The following PGLS variants were observed in gnomAD, a reference collection of about 807,000 sequenced individuals.
PGLS encodes the protein 6-phosphogluconolactonase.
Under a neutral mutation model 23.2 loss-of-function variants are expected in PGLS, and 21 were observed. The observed-to-expected ratio is 0.91, with a 90% confidence interval of 0.64 to 1.31. The LOEUF (loss-of-function observed/expected upper bound fraction) is 1.31. Among genes scored for constraint, PGLS ranks in the 50% most tolerant of loss-of-function variants. PGLS has a pLI of 0.00. For synonymous variants in PGLS, 179 were observed against 165.4 expected, an observed-to-expected ratio of 1.08 and a Z score of -0.63; for missense variants, 410 against 354.0, an observed-to-expected ratio of 1.16 and a Z score of -1.27.
intron 4 of PGLS, chr19:17,520,308 G>A (rs2144646950): frequency 6.6e-6 from 1 of 152,212 alleles, no homozygotes; most frequent in African/African-American, 2.4e-5. Flanking sequence ...AGCACTTTGG[G>A]AGACCTAGGC....
chr19:17,517,443 C>A, intron 3 of PGLS, 54 bp downstream of exon 3: 1 of 1,386,468 alleles, frequency 7.2e-7, no homozygotes, highest in Non-Finnish European at 1.0e-6. Context: ...TCCCTAACAT[C>A]TGGGACTTCC....
At chr19:17,516,044 T>G (rs952915525) in intron 1 of PGLS, 129 bp from the exon 2 acceptor site, 17 of 676,506 alleles carry the variant, frequency 2.5e-5, no homozygotes, top group Middle Eastern at 2.8e-4. Flanking sequence ...CTTGCACAAA[T>G]GCACCAGCCT....
chr19:17,520,272 G>C (rs1223078225), intron 4 of PGLS: 1 of 152,106 alleles, frequency 6.6e-6, no homozygotes, highest in Admixed American at 6.6e-5. Flanking sequence ...ATTAGGCCAG[G>C]CGCGGTGGCT....
chr19:17,511,835 G>C lies in PGLS; in HGVS notation c.163G>C (p.Ala55Pro). The change falls in exon 1 of 5, where the codon GCC (alanine) becomes CCC (proline). Residue 55 changes from alanine to proline, a missense_variant. By Grantham distance (27) the Ala-to-Pro change is conservative (BLOSUM62 -1). Transcript: ENST00000252603. The stretch of plus-strand genomic sequence containing the variant: ...GGGCGGGAGCCTCGTCTCGATGCTA[G>C]CCCGCGAGCTACCCGCCGCCGTCGC... ...LSGGSLVSML[A>P]RELPAAVAPA... is the part of the protein sequence containing the mutation. The C allele has an allele frequency of 6.5e-7, 1 of 1,528,916 alleles. No individual in the cohort carries two copies. The highest frequency in any genetic ancestry group is 8.8e-7 in the Non-Finnish European group (1 of 1,142,202). The allele number at this position is 1,528,916 out of a possible 1,614,324, so 94.7% of individuals were successfully genotyped here. A position where few individuals can be genotyped will look rare whatever the true frequency, so the allele number is the denominator to read the frequency against.
At chr19:17,515,353 G>A (rs1320763701) in intron 1 of PGLS, among the ~76,000 whole-genome samples, 1 of 152,138 alleles carries the variant, frequency 6.6e-6, no homozygotes, top group Admixed American at 6.6e-5. Context: ...GCTAGACTCT[G>A]CACAAACACG....
At chr19:17,514,844 A>C (rs1019611860) in intron 1 of PGLS, among the ~76,000 whole-genome samples, 3 of 151,996 alleles carry the variant, frequency 2.0e-5, no homozygotes, top group African/African-American at 7.3e-5. Context: ...TAGAGGTGGG[A>C]TTTCTCCATG....
rs994065156 is a variant in PGLS, at chr19:17,516,250, G to A, written c.366G>A (p.Ala122=). ...TINPELPVEE[A]AEDYAKKLRQ... is the part of the protein sequence containing the mutation. The stretch of plus-strand genomic sequence containing the variant: ...ACCCCGAGCTGCCTGTGGAGGAGGC[G>A]GCTGAGGACTACGCCAAGAAGCTGA... Residue 122 remains alanine (A), a synonymous_variant, in exon 2 of 5, where the codon GCG becomes GCA. Coordinates refer to ENST00000252603, the MANE Select transcript of PGLS (RefSeq NM_012088.3). The A allele has an allele frequency of 6.6e-5, 107 of 1,613,988 alleles. No individual in the cohort carries two copies. Among genetic ancestry groups the A allele is most frequent in the Middle Eastern group, 1.6e-4 (1 of 6,062 alleles).
At chr19:17,515,369 C>T (rs1028638289) in intron 1 of PGLS, among the ~76,000 whole-genome samples, 7 of 152,174 alleles carry the variant, frequency 4.6e-5, no homozygotes, top group Non-Finnish European at 1.0e-4. Context: ...ACACGAGGCA[C>T]CGAGACATGG....
chr19:17,514,715 C>T (rs1282383683), intron 1 of PGLS, among the ~76,000 whole-genome samples: 3 of 151,750 alleles, frequency 2.0e-5, no homozygotes, highest in South Asian at 2.1e-4. Context: ...TGCAATGGCG[C>T]GATCTCAGCT....
At chr19:17,512,021 C>A in intron 1 of PGLS, 61 bp downstream of exon 1, 1 of 1,461,924 alleles carries the variant, frequency 6.8e-7, no homozygotes, top group Non-Finnish European at 9.1e-7. Context: ...CGCCTACACC[C>A]CGGCTACGGA....
intron 4 of PGLS, 134 bp downstream of exon 4, chr19:17,517,984 C>T: frequency 1.8e-6 from 1 of 571,300 alleles, no homozygotes; most frequent in Non-Finnish European, 2.6e-6. Context: ...TGAAAGGTAA[C>T]TTGAAATTGC....
chr19:17,511,843 G>A lies in PGLS; in HGVS notation c.171G>A (p.Glu57=), dbSNP rs775910280. ...GGSLVSMLAR[E]LPAAVAPAGP... ...GCCTCGTCTCGATGCTAGCCCGCGAGCTACCCGCCGCCGTCGCCCCTGCCG... is the reference window on the plus strand; with the variant it reads ...GCCTCGTCTCGATGCTAGCCCGCGAACTACCCGCCGCCGTCGCCCCTGCCG... The change falls in exon 1 of 5, where the codon GAG becomes GAA. Residue 57 remains glutamate (E), a synonymous_variant. Transcript: ENST00000252603. 9 of 1,529,584 alleles carry A rather than the reference G, an allele frequency of 5.9e-6. No homozygotes were observed. The highest frequency in any genetic ancestry group is 2.1e-4 in the Middle Eastern group (1 of 4,856). The allele number at this position is 1,529,584 out of a possible 1,614,324, so 94.8% of individuals were successfully genotyped here.
chr19:17,512,029 G>C, intron 1 of PGLS, 69 bp downstream of exon 1: 1 of 1,437,866 alleles, frequency 7.0e-7, no homozygotes, highest in Non-Finnish European at 9.2e-7. Context: ...CCCCGGCTAC[G>C]GAGGCCGCCG....
rs1568431357 is a variant in PGLS, at chr19:17,511,910, G to C, written c.238G>C (p.Glu80Gln). The C allele has an allele frequency of 6.5e-7, 1 of 1,545,276 alleles. No homozygotes were observed. The highest frequency in any genetic ancestry group is 8.7e-7 in the Non-Finnish European group (1 of 1,146,662). The change falls in exon 1 of 5, where the codon GAG becomes CAG. Residue 80 changes from glutamate (E) to glutamine (Q), a missense_variant. Transcript: ENST00000252603. ...GCGCTGGACGCTGGGCTTCTGCGAC[G>C]AGCGCCTCGTGCCCTTCGATCACGC... ...LARWTLGFCD[E>Q]RLVPFDHAES...
intron 4 of PGLS, among the ~76,000 whole-genome samples, chr19:17,519,281 T>G (rs1296483499): frequency 7.1e-6 from 1 of 141,690 alleles, no homozygotes; most frequent in African/African-American, 2.7e-5. Flanking sequence ...GCCATTGCAC[T>G]CCAGCCTGGG....
At chr19:17,520,835 T>G in intron 4 of PGLS, 109 bp from the exon 5 acceptor site, 9 of 1,245,358 alleles carry the variant, frequency 7.2e-6, no homozygotes, top group Non-Finnish European at 9.6e-6. Context: ...CATTGTCACA[T>G]TTTGAGGATA....
chr19:17,518,080 T>C (rs1471335647), intron 4 of PGLS, among the ~76,000 whole-genome samples: 1 of 149,668 alleles, frequency 6.7e-6, no homozygotes, highest in African/African-American at 2.5e-5. Flanking sequence ...TGAAATGAAA[T>C]TGATGAGATG....
At chr19:17,516,000 CACCA>C in intron 1 of PGLS, 169 bp from the exon 2 acceptor site, 1 of 545,344 alleles carries the variant, frequency 1.8e-6, no homozygotes, top group Non-Finnish European at 3.4e-6. Flanking sequence ...AGAGGTGACT[CACCA>C]ACCAAAGTGT....
rs1396243569 is a variant in PGLS at position 17,511,680 on chromosome 19, C to T, written c.8C>T (p.Ala3Val). 1 of 1,489,516 alleles carries T rather than the reference C, an allele frequency of 6.7e-7. No homozygotes were observed. Among genetic ancestry groups the T allele is most frequent in the African/African-American group, 1.5e-5 (1 of 67,864 alleles). 92.3% of individuals were successfully genotyped at this position (1,489,516 alleles called of 1,614,324 possible). A position where few individuals can be genotyped will look rare whatever the true frequency, so the allele number is the denominator to read the frequency against. ...CCCGCCGCCGCCCTCGCCATGGCCG[C>T]GCCGGCCCCGGGCCTCATCTCGGTG... MA[A>V]PAPGLISVFS... Residue 3 changes from alanine to valine, a missense_variant, in exon 1 of 5, where the codon GCG (alanine) becomes GTG (valine). By Grantham distance (64) the Ala-to-Val change is moderately conservative. Transcript: ENST00000252603.
Sources: allele counts gnomAD v4.1 joint callset (sites outside exome capture counted in the v4.1 genomes callset), GRCh38; gene constraint gnomAD v4.1.1; transcripts MANE v1.5; gene names NCBI Gene and HGNC (gene_info 2026-07-23, HGNC 2026-07-21).